The following PYY variants were observed in gnomAD, a reference collection of about 807,000 sequenced individuals.
The protein encoded by PYY is peptide YY.
In PYY, 12 loss-of-function variants were observed where a neutral mutation model predicts 10.3. The ratio of observed to expected loss-of-function variants is 1.17; its 90% confidence interval spans 0.75 to 1.89. The LOEUF (loss-of-function observed/expected upper bound fraction) is 1.89. Ranked by LOEUF, PYY falls within the 40% of genes most tolerant of loss-of-function variation. The pLI is 0.00. For synonymous variants in PYY, 66 were observed against 62.0 expected (o/e 1.06, Z -0.30); for missense variants, 141 against 134.0 (o/e 1.05, Z -0.26).
intron 1 of PYY, among the ~76,000 whole-genome samples, chr17:43,972,121 T>C (rs867395733): frequency 4.6e-5 from 7 of 151,984 alleles, no homozygotes; most frequent in Middle Eastern, 3.4e-3. Flanking sequence ...TTAAAGCTCA[T>C]AAAGCTGTAC....
intron 2 of PYY, among the ~76,000 whole-genome samples, chr17:43,962,566 T>A (rs1233542147): frequency 6.6e-6 from 1 of 152,188 alleles, no homozygotes; most frequent in Non-Finnish European, 1.5e-5. Flanking sequence ...AATGAAGGAA[T>A]CTTTTAGTCA....
chr17:43,986,986 C>T (rs1201814963), intron 1 of PYY, among the ~76,000 whole-genome samples: 1 of 152,210 alleles, frequency 6.6e-6, no homozygotes, highest in African/African-American at 2.4e-5. Context: ...GATTATGCGA[C>T]CTGCCCAAGT....
At position 43,976,474 on chromosome 17, in the gene PYY, C is replaced by T. The variant is rs568869735; in HGVS notation, c.-462-9942G>A. On this transcript the variant is annotated intron_variant, in intron 1 of 6. Transcript: ENST00000360085. ...ATATACATATATATACACACACACA[C>T]ATATATATATATGCCAGCCACGTGT... 5.5e-5 allele frequency among the ~76,000 whole-genome samples: 8 copies of T among 146,232 alleles called. No homozygotes were observed. In the South Asian group the frequency reaches 6.6e-4, roughly 12 times the overall value.
At chr17:43,961,172 G>C (rs2048709897) in intron 2 of PYY, among the ~76,000 whole-genome samples, 1 of 151,798 alleles carries the variant, frequency 6.6e-6, no homozygotes, top group South Asian at 2.1e-4. Context: ...GCTGCAGTGA[G>C]TTGTGATTGC....
rs191929906 is a variant in PYY at position 43,998,816 on chromosome 17, G to A, written c.-463+5575C>T. 5.3e-5 allele frequency among the ~76,000 whole-genome samples: 8 copies of A among 152,272 alleles called. No homozygotes were observed. The East Asian group carries it at 1.5e-3, about 29-fold the overall frequency. On this transcript the variant is annotated intron_variant, in intron 1 of 6. Coordinates refer to the PYY transcript ENST00000360085. ...GGAAGATGTGAGTAAAGTAGATTTG[G>A]CCACAGCATGGGGGAATGGCGCTCT...
chr17:43,958,046 G>C (rs956478716), upstream of PYY: 2 of 146,814 alleles, frequency 1.4e-5, no homozygotes. Context: ...GGAGCAGATA[G>C]TAAATATTTT....
At chr17:43,971,102 C>T (rs71371955) in intron 1 of PYY, among the ~76,000 whole-genome samples, 2,075 of 152,218 alleles carry the variant, frequency 0.014, 46 homozygotes, top group African/African-American at 0.048. Flanking sequence ...TAATTGTGTG[C>T]TTAATTTTAG....
chr17:43,974,337 G>A (rs2048815123), intron 1 of PYY, among the ~76,000 whole-genome samples: 1 of 151,768 alleles, frequency 6.6e-6, no homozygotes, highest in Admixed American at 6.6e-5. Flanking sequence ...GTAGAGGGTG[G>A]GGTGGAAGGG....
chr17:43,962,880 G>T (rs549468241), intron 2 of PYY, among the ~76,000 whole-genome samples: 2 of 152,132 alleles, frequency 1.3e-5, no homozygotes, highest in Non-Finnish European at 2.9e-5. Flanking sequence ...CTTGTCCCCT[G>T]AGCTCTCAGC....
chr17:43,963,563 AGG>A lies in PYY; in HGVS notation c.-218+2723_-218+2724del, dbSNP rs2048727553. ...GAGAAGGAAGGGAAGGAAGGAAGGA[AGG>A]AAGGAAAAGAAAGAAAGAAAGAAAG... is the stretch of plus-strand genomic sequence containing the variant. On this transcript the variant is annotated intron_variant, in intron 2 of 6. Coordinates refer to the PYY transcript ENST00000360085. Among the ~76,000 whole-genome samples, 25 of 140,012 alleles carry A rather than the reference AGG, an allele frequency of 1.8e-4. No individual in the cohort carries two copies. The South Asian group carries it at 5.6e-3, about 31-fold the overall frequency. The allele number at this position is 140,012 out of a possible 152,430, so 91.9% of individuals were successfully genotyped here.
rs1017399600 is a variant in PYY, at chr17:43,987,681, T to C, written c.-463+16710A>G. Among the ~76,000 whole-genome samples the C allele has an allele frequency of 1.3e-5, 2 of 152,234 alleles. No homozygotes were observed. Among genetic ancestry groups the C allele is most frequent in the African/African-American group, 4.8e-5 (2 of 41,454 alleles). On this transcript the variant is annotated intron_variant, in intron 1 of 6. Transcript: ENST00000360085. This position sits in a 1 kb window ranked among gnomAD's most constrained non-coding sequence, Gnocchi z 4.0. ...CTTTGTTCATCCAACCAACATTCAC[T>C]GGGCCCCTCGTCTGTGCCAGTCCTT...
intron 1 of PYY, among the ~76,000 whole-genome samples, chr17:43,988,254 A>G (rs189664111): frequency 1.3e-4 from 20 of 152,360 alleles, no homozygotes; most frequent in Admixed American, 5.9e-4. Context: ...ATATAAAAAT[A>G]AATTGAACTG....
chr17:43,999,562 T>TCACCTAAGGTGAGGAGGGCAGA (rs2049012150), intron 1 of PYY, among the ~76,000 whole-genome samples: 1 of 150,938 alleles, frequency 6.6e-6, no homozygotes, highest in African/African-American at 2.4e-5. Flanking sequence ...AGTTCAGGAG[T>TCACCTAAGGTGAGGAGGGCAGA]TCAAGACCAG....
intron 1 of PYY, among the ~76,000 whole-genome samples, chr17:43,998,148 A>G (rs980281408): frequency 2.6e-5 from 4 of 152,116 alleles, no homozygotes; most frequent in African/African-American, 9.7e-5. Context: ...CATGTTGGCC[A>G]GGCTGGTCTC....
chr17:43,975,809 CGTGT>C (rs2048826833), intron 1 of PYY, among the ~76,000 whole-genome samples: 1 of 127,158 alleles, frequency 7.9e-6, no homozygotes, highest in Non-Finnish European at 1.7e-5. Flanking sequence ...TGTCTACGTA[CGTGT>C]ACATACACGT....
chr17:43,959,054 T>G (rs2048694666), intron 2 of PYY, among the ~76,000 whole-genome samples: 1 of 152,184 alleles, frequency 6.6e-6, no homozygotes, highest in South Asian at 2.1e-4. Context: ...TGTCTTTAAG[T>G]TTAAAGAAAC....
At chr17:43,974,574 G>A (rs1160448142) in intron 1 of PYY, among the ~76,000 whole-genome samples, 6 of 152,180 alleles carry the variant, frequency 3.9e-5, no homozygotes, top group Admixed American at 3.9e-4. Flanking sequence ...TAGGAGGATT[G>A]AATGAAATAA....
At chr17:43,959,393 A>G (rs1193951236) in intron 2 of PYY, among the ~76,000 whole-genome samples, 2 of 152,210 alleles carry the variant, frequency 1.3e-5, no homozygotes, top group African/African-American at 4.8e-5. Context: ...TTTAAAAACC[A>G]ATAAAAATAG....
intron 2 of PYY, among the ~76,000 whole-genome samples, chr17:43,961,863 T>C (rs1346437210): frequency 6.6e-6 from 1 of 152,046 alleles, no homozygotes; most frequent in Non-Finnish European, 1.5e-5. Flanking sequence ...GCCAGCCCAA[T>C]TTCTGTCTTC....
Sources: allele counts gnomAD v4.1 joint callset (sites outside exome capture counted in the v4.1 genomes callset), GRCh38; gene constraint gnomAD v4.1.1; non-coding constraint Gnocchi (gnomAD v3.1); transcripts MANE v1.5; gene names NCBI Gene and HGNC (gene_info 2026-07-23, HGNC 2026-07-21).